INTS15: variants seen among roughly 807,000 people sequenced by gnomAD.
INTS15 encodes the protein integrator complex subunit 15.
chr7:6,596,527 C>T, the INTS15 span, among the ~76,000 whole-genome samples: 5 of 151,004 alleles, frequency 3.3e-5, no homozygotes, highest in African/African-American at 1.2e-4. Flanking sequence ...TGTAGGTGTG[C>T]GCCACCACAC....
the INTS15 span, among the ~76,000 whole-genome samples, chr7:6,603,111 G>T: frequency 6.6e-6 from 1 of 151,462 alleles, no homozygotes; most frequent in Non-Finnish European, 1.5e-5. Context: ...TTAGCCGGGC[G>T]TGGTGGTGCG....
the INTS15 span, chr7:6,608,050 G>A: frequency 1.9e-6 from 3 of 1,595,624 alleles, no homozygotes; most frequent in South Asian, 1.1e-5. Flanking sequence ...ACACGCCCCC[G>A]CTGGGCTACG....
the INTS15 span, among the ~76,000 whole-genome samples, chr7:6,601,088 C>T: frequency 6.6e-6 from 1 of 151,650 alleles, no homozygotes. Flanking sequence ...CTCCCTCAGC[C>T]ACAGAGTAGC....
chr7:6,591,185 G>A, the INTS15 span, among the ~76,000 whole-genome samples: 6 of 151,922 alleles, frequency 3.9e-5, no homozygotes, highest in African/African-American at 9.6e-5. Flanking sequence ...TGAGACCTGA[G>A]CTTTACGAAG....
chr7:6,592,278 T>C, the INTS15 span, among the ~76,000 whole-genome samples: 1 of 151,932 alleles, frequency 6.6e-6, no homozygotes, highest in Non-Finnish European at 1.5e-5. Context: ...TTAAATTATT[T>C]TTTTTGGCCA....
At chr7:6,603,868 C>T in the INTS15 span, among the ~76,000 whole-genome samples, 10 of 151,884 alleles carry the variant, frequency 6.6e-5, no homozygotes, top group Non-Finnish European at 1.0e-4. Flanking sequence ...AATATGGTGG[C>T]GTGCATCTGT....
the INTS15 span, chr7:6,607,854 C>T: frequency 6.5e-7 from 1 of 1,534,900 alleles, no homozygotes; most frequent in Admixed American, 2.0e-5. The surrounding 1 kb of genome is among the most constrained non-coding windows in gnomAD (Gnocchi z 6.0). Context: ...GTGCCTGTGT[C>T]GGTGCCTCTC....
the INTS15 span, among the ~76,000 whole-genome samples, chr7:6,597,551 T>C: frequency 6.6e-6 from 1 of 152,288 alleles, no homozygotes; most frequent in Non-Finnish European, 1.5e-5. Flanking sequence ...TGCCTCAGCC[T>C]CCCAGAGTGC....
At chr7:6,591,836 C>A in the INTS15 span, 1 of 1,613,802 alleles carries the variant, frequency 6.2e-7, no homozygotes. Context: ...TGTCGAATCC[C>A]GGTGTTGGAG....
chr7:6,595,157 G>T, the INTS15 span, among the ~76,000 whole-genome samples: 797 of 152,098 alleles, frequency 5.2e-3, 6 homozygotes, highest in African/African-American at 0.017. Flanking sequence ...TCAGCCTCTC[G>T]AGTAGTTGTG....
chr7:6,608,042 A>G, the INTS15 span: 1 of 1,595,860 alleles, frequency 6.3e-7, no homozygotes, highest in Non-Finnish European at 8.5e-7. Context: ...CCACATCCAC[A>G]CGCCCCCGCT....
At chr7:6,597,030 G>A in the INTS15 span, among the ~76,000 whole-genome samples, 2 of 151,762 alleles carry the variant, frequency 1.3e-5, no homozygotes, top group East Asian at 2.0e-4. Flanking sequence ...CACCCGCCTC[G>A]GCCTCCCAAA....
the INTS15 span, among the ~76,000 whole-genome samples, chr7:6,596,520 A>T: frequency 6.7e-6 from 1 of 150,048 alleles, no homozygotes; most frequent in Non-Finnish European, 1.5e-5. Context: ...CTGGGATTGT[A>T]GGTGTGCGCC....
the INTS15 span, among the ~76,000 whole-genome samples, chr7:6,605,114 T>C: frequency 1.3e-5 from 2 of 152,182 alleles, no homozygotes; most frequent in African/African-American, 4.8e-5. Context: ...TGCCTCAACC[T>C]CCTGAGTAGC....
At chr7:6,603,254 A>G in the INTS15 span, among the ~76,000 whole-genome samples, 10 of 151,430 alleles carry the variant, frequency 6.6e-5, no homozygotes, top group Admixed American at 4.6e-4. Context: ...TGTCAAAAAT[A>G]AAAAATAAAA....
chr7:6,601,207 G>A, the INTS15 span, among the ~76,000 whole-genome samples: 5 of 152,292 alleles, frequency 3.3e-5, no homozygotes, highest in East Asian at 9.7e-4. Flanking sequence ...TTGGGCTCAA[G>A]TGATCTTCCT....
chr7:6,605,295 T>C, the INTS15 span, among the ~76,000 whole-genome samples: 1 of 152,146 alleles, frequency 6.6e-6, no homozygotes, highest in Non-Finnish European at 1.5e-5. Flanking sequence ...GGCCTCTTTT[T>C]CCTTTTTTTG....
chr7:6,590,430 G>A, the INTS15 span: 1 of 1,602,338 alleles, frequency 6.2e-7, no homozygotes, highest in South Asian at 1.1e-5. Flanking sequence ...AGCTGCTGGA[G>A]GAGTTCGTGT....
At chr7:6,594,266 A>G in the INTS15 span, 2 of 631,990 alleles carry the variant, frequency 3.2e-6, no homozygotes, top group Non-Finnish European at 5.4e-6. Context: ...TCGGCCTCTC[A>G]AAGTGTTGGG....
Sources: gnomAD v4.1 joint callset for allele counts (sites outside exome capture counted in the v4.1 genomes callset) on GRCh38, gnomAD v4.1.1 for gene constraint, Gnocchi (gnomAD v3.1) non-coding constraint, MANE v1.5 for transcripts, NCBI Gene and HGNC (gene_info 2026-07-23, HGNC 2026-07-21) for gene names.